TNS3: variants seen among roughly 807,000 people sequenced by gnomAD.
TNS3 encodes tensin 3.
In TNS3, 45 loss-of-function variants were observed where a neutral mutation model predicts 140.9. That is an observed-to-expected ratio of 0.32 (90% CI 0.25 to 0.41). The LOEUF (loss-of-function observed/expected upper bound fraction) is 0.41, where lower values mean the gene tolerates loss of function less well. Ranked by LOEUF, TNS3 falls within the 10% of genes least tolerant of loss-of-function variation. The pLI is 1.00. For missense variants in TNS3, 1,716 were observed against 1,906.7 expected, an observed-to-expected ratio of 0.90 and a Z score of 1.86; for synonymous variants, 815 against 788.4, an observed-to-expected ratio of 1.03 and a Z score of -0.56.
At chr7:47,489,200 G>A (rs1056789487) in intron 3 of TNS3, among the ~76,000 whole-genome samples, 1 of 152,168 alleles carries the variant, frequency 6.6e-6, no homozygotes, top group Non-Finnish European at 1.5e-5. Context: ...CAGCCTGCGG[G>A]CTGAGAACCG....
intron 20 of TNS3, among the ~76,000 whole-genome samples, chr7:47,343,709 TTC>T (rs1325300018): frequency 6.6e-6 from 1 of 152,266 alleles, no homozygotes; most frequent in African/African-American, 2.4e-5. Flanking sequence ...ACATACACAC[TTC>T]TCATGTAATG....
At chr7:47,441,269 C>T (rs1795452518) in intron 5 of TNS3, among the ~76,000 whole-genome samples, 1 of 152,104 alleles carries the variant, frequency 6.6e-6, no homozygotes, top group Admixed American at 6.5e-5. Context: ...GTCTCTGCCT[C>T]CTGGGTTAAA....
At chr7:47,574,887 G>T (rs1225413344) in intron 1 of TNS3, among the ~76,000 whole-genome samples, 1 of 152,138 alleles carries the variant, frequency 6.6e-6, no homozygotes, top group East Asian at 1.9e-4. Context: ...GTGCTTAAGG[G>T]ACACCGAGTT....
At chr7:47,574,595 G>A (rs1270248511) in intron 1 of TNS3, among the ~76,000 whole-genome samples, 4 of 150,842 alleles carry the variant, frequency 2.7e-5, no homozygotes. Context: ...ATCAACAGAT[G>A]AATGGATAAA....
At chr7:47,510,644 C>T (rs1033078359) in intron 2 of TNS3, among the ~76,000 whole-genome samples, 1 of 152,154 alleles carries the variant, frequency 6.6e-6, no homozygotes, top group South Asian at 2.1e-4. Context: ...GAGGCTGAGG[C>T]GGGCAGATCA....
chr7:47,532,242 C>T (rs1202511651), intron 1 of TNS3, among the ~76,000 whole-genome samples: 2 of 152,138 alleles, frequency 1.3e-5, no homozygotes, highest in African/African-American at 4.8e-5. Flanking sequence ...CAGTAAGGCC[C>T]CACCTTCAGG....
intron 16 of TNS3, among the ~76,000 whole-genome samples, chr7:47,387,916 T>A: frequency 6.6e-6 from 1 of 152,232 alleles, no homozygotes; most frequent in African/African-American, 2.4e-5. Flanking sequence ...TGGTTCTGTA[T>A]ATCAAATACT....
At chr7:47,281,262 T>C (rs1044333765) in intron 28 of TNS3, among the ~76,000 whole-genome samples, 3 of 152,176 alleles carry the variant, frequency 2.0e-5, no homozygotes, top group African/African-American at 7.2e-5. Context: ...CCTTAGTCAC[T>C]GACATGACCA....
At chr7:47,559,354 AAAAT>A (rs1405484733) in intron 1 of TNS3, among the ~76,000 whole-genome samples, 3 of 152,162 alleles carry the variant, frequency 2.0e-5, no homozygotes, top group Non-Finnish European at 4.4e-5. Context: ...CATCTCACAA[AAAAT>A]AAATAAATAA....
At chr7:47,354,368 C>T (rs796211142) in intron 17 of TNS3, among the ~76,000 whole-genome samples, 1 of 150,742 alleles carries the variant, frequency 6.6e-6, no homozygotes, top group Admixed American at 6.6e-5. Context: ...AGCTCCCCAA[C>T]GTACCCCTTC....
chr7:47,288,527 G>A (rs1259400811), intron 27 of TNS3, among the ~76,000 whole-genome samples: 1 of 152,214 alleles, frequency 6.6e-6, no homozygotes, highest in Non-Finnish European at 1.5e-5. Flanking sequence ...CCTCAGTTGA[G>A]AGTGAGTGAG....
chr7:47,392,979 A>G (rs1399447322), intron 16 of TNS3, among the ~76,000 whole-genome samples: 1 of 152,230 alleles, frequency 6.6e-6, no homozygotes, highest in Non-Finnish European at 1.5e-5. Flanking sequence ...TGCAGCAATA[A>G]GATCAAACGC....
chr7:47,521,342 C>T (rs564670846), intron 2 of TNS3, among the ~76,000 whole-genome samples: 21 of 152,290 alleles, frequency 1.4e-4, no homozygotes, highest in Admixed American at 7.2e-4. Flanking sequence ...CCTTGGTCAC[C>T]GTGGGCATCG....
chr7:47,349,884 T>A (rs1789562497), intron 17 of TNS3, among the ~76,000 whole-genome samples: 1 of 152,218 alleles, frequency 6.6e-6, no homozygotes, highest in Non-Finnish European at 1.5e-5. Flanking sequence ...CCTGGGCAGG[T>A]GCTCTCATAG....
In TNS3 at chr7:47,305,881, A is replaced by AACT. The variant is rs1264014797; in HGVS notation, c.2651-881_2651-879dup. 2.6e-5 allele frequency among the ~76,000 whole-genome samples: 4 copies of AACT among 152,338 alleles called. No homozygotes were observed. The East Asian group carries it at 7.7e-4, about 29-fold the overall frequency. ...CTGGTCAGTTTGTTTTCTGTTTCAA[A>AACT]ACTAATGAGGATTGATAAGAGAATA... On this transcript the variant is annotated intron_variant, in intron 20 of 30. Transcript: ENST00000311160.
chr7:47,489,370 C>T (rs1215318315), intron 3 of TNS3, among the ~76,000 whole-genome samples: 1 of 152,198 alleles, frequency 6.6e-6, no homozygotes, highest in African/African-American at 2.4e-5. Flanking sequence ...GGCTTGGTCT[C>T]GGCTCTTCTC....
chr7:47,392,554 A>G (rs1792589578), intron 16 of TNS3, among the ~76,000 whole-genome samples: 2 of 152,206 alleles, frequency 1.3e-5, no homozygotes, highest in Non-Finnish European at 2.9e-5. Flanking sequence ...CTAAAAGAGA[A>G]TGTTTCAGAG....
chr7:47,411,636 GT>G (rs1793775023), intron 13 of TNS3, 90 bp downstream of exon 13: 1 of 1,364,366 alleles, frequency 7.3e-7, no homozygotes, highest in Admixed American at 2.2e-5. Flanking sequence ...GGGGGTGAGG[GT>G]TACTGTTTTA....
At chr7:47,365,771 T>TA (rs944871953) in intron 17 of TNS3, among the ~76,000 whole-genome samples, 2 of 151,744 alleles carry the variant, frequency 1.3e-5, no homozygotes, top group African/African-American at 4.8e-5. Context: ...AAAAAATAAA[T>TA]AAAAAAATAA....
Sources: gnomAD v4.1 joint callset for allele counts (sites outside exome capture counted in the v4.1 genomes callset) on GRCh38, gnomAD v4.1.1 for gene constraint, MANE v1.5 for transcripts, NCBI Gene and HGNC (gene_info 2026-07-23, HGNC 2026-07-21) for gene names.